Variants in ATE1 observed in about 807,000 individuals in gnomAD.
ATE1 encodes arginyl-tRNA--protein transferase 1.
ATE1 carries 36 observed loss-of-function variants against 70.5 expected under a neutral mutation model. The observed-to-expected ratio is 0.51, with a 90% CI of 0.39 to 0.67. The LOEUF is 0.67. ATE1 is among the 30% of genes least tolerant of loss of function. ATE1 has a pLI of 0.00. For missense variants in ATE1, 593 were observed against 629.5 expected (o/e 0.94, Z 0.62); for synonymous variants, 232 against 219.3 (o/e 1.06, Z -0.51).
intron 9 of ATE1, among the ~76,000 whole-genome samples, chr10:121,839,123 C>A (rs1330396858): frequency 1.3e-5 from 2 of 152,190 alleles, no homozygotes; most frequent in African/African-American, 4.8e-5. Context: ...GACAAGACCG[C>A]AGAGCAGCCG....
chr10:121,801,331 CAG>C (rs1946870884), intron 10 of ATE1, among the ~76,000 whole-genome samples: 1 of 152,080 alleles, frequency 6.6e-6, no homozygotes, highest in Non-Finnish European at 1.5e-5. Flanking sequence ...TAGCAAATAA[CAG>C]AGAATCAAGA....
intron 10 of ATE1, among the ~76,000 whole-genome samples, chr10:121,810,340 G>A (rs141512850): frequency 0.02 from 2,968 of 149,210 alleles, 52 homozygotes; most frequent in Middle Eastern, 0.039. Flanking sequence ...GCACAATCTT[G>A]GCTCACTGCA....
chr10:121,787,067 C>T (rs1017859130), intron 11 of ATE1, among the ~76,000 whole-genome samples: 21 of 152,068 alleles, frequency 1.4e-4, no homozygotes, highest in Non-Finnish European at 2.5e-4. Flanking sequence ...TCAATCCCTC[C>T]CCCCACAGTA....
intron 9 of ATE1, 69 bp downstream of exon 9, chr10:121,841,013 T>C: frequency 7.9e-7 from 1 of 1,270,718 alleles, no homozygotes; most frequent in Non-Finnish European, 1.0e-6. Context: ...CATAATTAAA[T>C]ATAATCAAAT....
chr10:121,777,186 T>G (rs913938381), intron 11 of ATE1, among the ~76,000 whole-genome samples: 2 of 152,226 alleles, frequency 1.3e-5, no homozygotes, highest in Admixed American at 1.3e-4. Flanking sequence ...CTGGCGGGAC[T>G]AGAAAACTTG....
At chr10:121,863,550 C>T (rs953891642) in intron 8 of ATE1, among the ~76,000 whole-genome samples, 8 of 151,850 alleles carry the variant, frequency 5.3e-5, no homozygotes, top group South Asian at 2.1e-4. Context: ...AGCGCCCAGC[C>T]GCCCTGAAGT....
At position 121,743,092 on chromosome 10, in the gene ATE1, C is replaced by A. The variant is rs1050915855; in HGVS notation, c.*588G>T. The A allele has an allele frequency of 6.6e-6, 1 of 152,242 alleles. No individual in the cohort carries two copies. Among genetic ancestry groups the A allele is most frequent in the Non-Finnish European group, 1.5e-5 (1 of 68,100 alleles). The allele number at this position is 152,242 out of a possible 1,614,324, so 9.4% of individuals were successfully genotyped here. A position where few individuals can be genotyped will look rare whatever the true frequency, so the allele number is the denominator to read the frequency against. On this transcript the variant is annotated 3_prime_UTR_variant, in exon 12 of 12. Transcript: ENST00000224652. ...CAGGACTGTCCTGAACAAATGGATA[C>A]CTGATGCTAACACAAGCTCCATTTT...
rs1364151668 is a variant in ATE1, at chr10:121,743,589, T to C, written c.*91A>G. The C allele has an allele frequency of 2.3e-5, 33 of 1,408,752 alleles. No individual in the cohort carries two copies. The highest frequency in any genetic ancestry group is 2.8e-5 in the Non-Finnish European group (30 of 1,083,924). 87.3% of individuals were successfully genotyped at this position (1,408,752 alleles called of 1,614,324 possible). On this transcript the variant is annotated 3_prime_UTR_variant, in exon 12 of 12. Transcript: ENST00000224652. ...AAATAAAAAATGTCTAATTTGTGGGTGGTGACAGTTATTTCCCCACAGGTA... is the reference window on the plus strand; with the variant it reads ...AAATAAAAAATGTCTAATTTGTGGGCGGTGACAGTTATTTCCCCACAGGTA...
intron 7 of ATE1, among the ~76,000 whole-genome samples, chr10:121,894,161 AGG>A (rs1950684894): frequency 6.6e-6 from 1 of 150,822 alleles, no homozygotes. Flanking sequence ...AAAGGAACAG[AGG>A]AAAAAAAAAA....
intron 7 of ATE1, among the ~76,000 whole-genome samples, chr10:121,890,224 A>C (rs1056668790): frequency 6.6e-6 from 1 of 152,234 alleles, no homozygotes; most frequent in Non-Finnish European, 1.5e-5. Flanking sequence ...AATGTAATAA[A>C]CTTTGATTAA....
intron 10 of ATE1, among the ~76,000 whole-genome samples, chr10:121,794,538 TAGAGGG>T (rs1946576113): frequency 1.5e-4 from 2 of 13,602 alleles, no homozygotes; most frequent in East Asian, 2.6e-3. Context: ...CCCAGGAGGG[TAGAGGG>T]TAGAGGCAAT....
chr10:121,911,372 AG>A (rs1421214366), intron 4 of ATE1, among the ~76,000 whole-genome samples: 1 of 151,220 alleles, frequency 6.6e-6, no homozygotes, highest in Non-Finnish European at 1.5e-5. Context: ...CCAACACAGG[AG>A]GACTGCTTGA....
At chr10:121,773,553 G>A (rs186379966) in intron 11 of ATE1, among the ~76,000 whole-genome samples, 1 of 152,112 alleles carries the variant, frequency 6.6e-6, no homozygotes, top group Non-Finnish European at 1.5e-5. Flanking sequence ...AGTCCCTAAA[G>A]GTTGAGACTT....
chr10:121,927,479 G>C (rs1952143404), intron 1 of ATE1: 2 of 985,024 alleles, frequency 2.0e-6, no homozygotes, highest in Non-Finnish European at 2.4e-6. Flanking sequence ...CTCGCTCCCG[G>C]GACGCTCCCA....
intron 10 of ATE1, among the ~76,000 whole-genome samples, chr10:121,826,069 A>C (rs1282662811): frequency 6.6e-6 from 1 of 152,242 alleles, no homozygotes; most frequent in African/African-American, 2.4e-5. Flanking sequence ...TCAGTTACAG[A>C]AAGACAAATG....
intron 11 of ATE1, among the ~76,000 whole-genome samples, chr10:121,751,913 G>A (rs1384191359): frequency 2.0e-5 from 3 of 152,186 alleles, no homozygotes; most frequent in East Asian, 3.9e-4. Context: ...CTCCAATGTG[G>A]CCGGGCGTGG....
intron 7 of ATE1, among the ~76,000 whole-genome samples, chr10:121,882,571 G>A (rs1381548001): frequency 6.6e-6 from 1 of 152,232 alleles, no homozygotes. Context: ...GTAGGTAGAG[G>A]AGATGAGAGT....
upstream of ATE1, chr10:121,928,445 G>T: frequency 6.6e-7 from 1 of 1,516,752 alleles, no homozygotes; most frequent in Non-Finnish European, 8.8e-7. Flanking sequence ...CGCCGCGAGG[G>T]TCCGCTCGGG....
At chr10:121,864,305 T>C (rs1316334910) in intron 8 of ATE1, among the ~76,000 whole-genome samples, 1 of 152,128 alleles carries the variant, frequency 6.6e-6, no homozygotes, top group Non-Finnish European at 1.5e-5. Context: ...CATAAGCAGC[T>C]CACAACCCAG....
Sources: allele counts gnomAD v4.1 joint callset (sites outside exome capture counted in the v4.1 genomes callset), GRCh38; gene constraint gnomAD v4.1.1; transcripts MANE v1.5; gene names NCBI Gene and HGNC (gene_info 2026-07-23, HGNC 2026-07-21).